The following ERLEC1 variants were observed in gnomAD, a reference collection of about 807,000 sequenced individuals.
ERLEC1 encodes the protein endoplasmic reticulum lectin 1.
A neutral mutation model predicts 68.0 loss-of-function variants in ERLEC1; 47 were observed. The observed-to-expected ratio is 0.69, with a 90% confidence interval of 0.55 to 0.88. ERLEC1 has a LOEUF of 0.88. Among genes scored for constraint, ERLEC1 ranks in the 40% least tolerant of loss-of-function variants. The pLI is 0.00. For missense variants in ERLEC1, 567 were observed against 583.8 expected, an observed-to-expected ratio of 0.97 and a Z score of 0.30; for synonymous variants, 225 against 203.2, an observed-to-expected ratio of 1.11 and a Z score of -0.91.
At chr2:53,802,064 TAA>T (rs1034514813) in intron 8 of ERLEC1, among the ~76,000 whole-genome samples, 1 of 152,206 alleles carries the variant, frequency 6.6e-6, no homozygotes, top group African/African-American at 2.4e-5. Context: ...CATAATATTT[TAA>T]AGTTTGACAT....
chr2:53,795,827 T>C (rs779953884), intron 2 of ERLEC1, 106 bp from the exon 3 acceptor site: 1 of 727,868 alleles, frequency 1.4e-6, no homozygotes, highest in Non-Finnish European at 2.3e-6. Flanking sequence ...TTTTTTCTCT[T>C]TTATTTCTAA....
intron 1 of ERLEC1, among the ~76,000 whole-genome samples, chr2:53,791,390 C>G (rs1362167189): frequency 6.6e-6 from 1 of 152,146 alleles, no homozygotes; most frequent in East Asian, 1.9e-4. Flanking sequence ...GTTTTTTATA[C>G]TATCTAATTC....
intron 10 of ERLEC1, among the ~76,000 whole-genome samples, chr2:53,812,247 A>G (rs547681962): frequency 3.9e-5 from 6 of 152,242 alleles, no homozygotes; most frequent in African/African-American, 1.4e-4. Context: ...CCAGATATCT[A>G]TTAGTGCCCA....
At chr2:53,805,973 T>A (rs1219012717) in intron 8 of ERLEC1, among the ~76,000 whole-genome samples, 2 of 152,246 alleles carry the variant, frequency 1.3e-5, no homozygotes, top group Non-Finnish European at 2.9e-5. Flanking sequence ...GATGAGTAGT[T>A]AGTTAAAACT....
chr2:53,797,997 C>G (rs894290446), intron 5 of ERLEC1, among the ~76,000 whole-genome samples: 2 of 152,024 alleles, frequency 1.3e-5, no homozygotes, highest in Admixed American at 1.3e-4. Flanking sequence ...GAGATTGAGA[C>G]CATCCTGGCT....
At chr2:53,815,194 C>T (rs530553865) in intron 13 of ERLEC1, among the ~76,000 whole-genome samples, 6 of 151,716 alleles carry the variant, frequency 4.0e-5, no homozygotes, top group East Asian at 1.9e-4. Context: ...TTAGTAGAGA[C>T]GGGGTTCCAC....
At chr2:53,787,650 C>T (rs967762017) in intron 1 of ERLEC1, 3 of 356,548 alleles carry the variant, frequency 8.4e-6, no homozygotes, top group Non-Finnish European at 1.5e-5. Context: ...TCCCACCCTG[C>T]AGAAGCAGCT....
Position 53,787,391 on chromosome 2 carries a change from C to A in ERLEC1, c.162+19C>A. The A allele has an allele frequency of 6.3e-7, 1 of 1,595,488 alleles. No individual in the cohort carries two copies. Among genetic ancestry groups the A allele is most frequent in the East Asian group, 2.2e-5 (1 of 44,548 alleles). ...CTCTCTGGTCAGTGCCCTCACTAACCCCGCAGCCACCCCTCCTCCTGACAC... is the reference window on the plus strand; with the variant it reads ...CTCTCTGGTCAGTGCCCTCACTAACACCGCAGCCACCCCTCCTCCTGACAC... On this transcript the variant is annotated intron_variant, in intron 1 of 13. Transcript: ENST00000185150.
At chr2:53,817,854 A>G (rs1676983752) in intron 13 of ERLEC1, 44 bp from the exon 14 acceptor site, 1 of 1,201,806 alleles carries the variant, frequency 8.3e-7, no homozygotes, top group Non-Finnish European at 1.2e-6. Context: ...ACTGAAAAGT[A>G]TTCAGCTTAG....
At chr2:53,801,918 A>G in intron 8 of ERLEC1, 76 bp downstream of exon 8, 1 of 1,233,810 alleles carries the variant, frequency 8.1e-7, no homozygotes, top group South Asian at 1.4e-5. Context: ...TATTTTAATG[A>G]TTTCTGTAGT....
intron 1 of ERLEC1, among the ~76,000 whole-genome samples, chr2:53,790,462 G>T (rs1045362331): frequency 5.3e-5 from 8 of 152,028 alleles, no homozygotes; most frequent in Non-Finnish European, 1.0e-4. Flanking sequence ...TCCTTTGTCT[G>T]TTTACTAACT....
intron 11 of ERLEC1, among the ~76,000 whole-genome samples, chr2:53,813,687 G>C (rs1010653676): frequency 6.6e-6 from 1 of 151,904 alleles, no homozygotes; most frequent in Non-Finnish European, 1.5e-5. Flanking sequence ...GTTCCTTCTT[G>C]GGTATTACCT....
intron 11 of ERLEC1, 114 bp downstream of exon 11, chr2:53,813,187 C>A: frequency 3.2e-6 from 4 of 1,245,454 alleles, no homozygotes; most frequent in Non-Finnish European, 4.5e-6. Context: ...TAGTTTTTTT[C>A]AAGGGATATC....
At chr2:53,815,956 A>AT (rs1187267459) in intron 13 of ERLEC1, among the ~76,000 whole-genome samples, 1 of 151,362 alleles carries the variant, frequency 6.6e-6, no homozygotes, top group Non-Finnish European at 1.5e-5. Flanking sequence ...TATTGCACAT[A>AT]TTTTTTTCTC....
In ERLEC1 at chr2:53,814,960, A is replaced by G. The variant is rs773358288; in HGVS notation, c.1380+25A>G. On this transcript the variant is annotated intron_variant, in intron 13 of 13. Transcript: ENST00000185150. Reference sequence around the variant, plus strand: ...GGTAAGTTAAAAAGAAAATAATCAAAAATTCCATTTTGAGCCATGTTTTAA... The same window carrying G: ...GGTAAGTTAAAAAGAAAATAATCAAGAATTCCATTTTGAGCCATGTTTTAA... 7 of 1,427,252 alleles carry G rather than the reference A, an allele frequency of 4.9e-6. No individual in the cohort carries two copies. The African/African-American group carries it at 7.2e-5, about 15-fold the overall frequency. 88.4% of individuals were successfully genotyped at this position (1,427,252 alleles called of 1,614,324 possible).
intron 1 of ERLEC1, among the ~76,000 whole-genome samples, chr2:53,792,251 G>A (rs1340172954): frequency 6.6e-6 from 1 of 151,168 alleles, no homozygotes; most frequent in African/African-American, 2.4e-5. Context: ...TGCCCAGGCT[G>A]GGGTCAAGCA....
intron 10 of ERLEC1, among the ~76,000 whole-genome samples, chr2:53,810,709 A>G (rs1176568778): frequency 6.6e-6 from 1 of 152,198 alleles, no homozygotes. Context: ...CCACATTTAA[A>G]TCTTCCAAAA....
chr2:53,798,442 G>A (rs1675834295), intron 5 of ERLEC1, among the ~76,000 whole-genome samples: 2 of 151,712 alleles, frequency 1.3e-5, no homozygotes, highest in Non-Finnish European at 2.9e-5. Context: ...CGTATTTGTT[G>A]TAGAGATGGA....
Position 53,800,433 on chromosome 2 carries a change from CA to C in ERLEC1, c.526-961del, listed in dbSNP as rs1675944280. Among the ~76,000 whole-genome samples, 4 of 152,112 alleles carry C rather than the reference CA, an allele frequency of 2.6e-5. No homozygotes were observed. In the South Asian group the frequency reaches 8.3e-4, roughly 31 times the overall value. ...CAAATGATAAAAACTGAAATTTATTCAAAGCCATAAATCTAGTAAATTTAAA... is the reference window on the plus strand; with the variant it reads ...CAAATGATAAAAACTGAAATTTATTCAAGCCATAAATCTAGTAAATTTAAA... On this transcript the variant is annotated intron_variant, in intron 6 of 13. Coordinates refer to ENST00000185150, the MANE Select transcript of ERLEC1 (RefSeq NM_015701.5).
Sources: allele counts gnomAD v4.1 joint callset (sites outside exome capture counted in the v4.1 genomes callset), GRCh38; gene constraint gnomAD v4.1.1; transcripts MANE v1.5; gene names NCBI Gene and HGNC (gene_info 2026-07-23, HGNC 2026-07-21).